The following CRTC3 variants were observed in gnomAD, a reference collection of about 807,000 sequenced individuals.
CRTC3 encodes CREB-regulated transcription coactivator 3.
A neutral mutation model predicts 74.5 loss-of-function variants in CRTC3; 26 were observed. The observed-to-expected ratio is 0.35, with a 90% CI of 0.26 to 0.48. The LOEUF (loss-of-function observed/expected upper bound fraction) is 0.48. CRTC3 is among the 20% of genes least tolerant of loss of function. The probability of loss-of-function intolerance (pLI) is 0.99; values close to 1 mark genes in which losing one functional copy is unlikely to be tolerated. For missense variants in CRTC3, 760 were observed against 787.3 expected (o/e 0.97, Z 0.41); for synonymous variants, 377 against 325.8 (o/e 1.16, Z -1.69).
chr15:90,599,479 T>C (rs1370159766), intron 3 of CRTC3: 2 of 152,250 alleles, frequency 1.3e-5, no homozygotes, highest in African/African-American at 4.8e-5. Flanking sequence ...GCCACCTGAA[T>C]GAAGTTTTCT....
chr15:90,592,178 G>C (rs1055131774), intron 2 of CRTC3, among the ~76,000 whole-genome samples: 7 of 152,162 alleles, frequency 4.6e-5, no homozygotes, highest in Admixed American at 1.3e-4. Context: ...TAAAAACATT[G>C]CGTCACAGGA....
intron 2 of CRTC3, among the ~76,000 whole-genome samples, chr15:90,567,526 A>C (rs1967151903): frequency 6.6e-6 from 1 of 151,976 alleles, no homozygotes; most frequent in Non-Finnish European, 1.5e-5. Flanking sequence ...GTCTCCACTA[A>C]AAATAGAAAA....
At chr15:90,569,191 A>G (rs1967197844) in intron 2 of CRTC3, among the ~76,000 whole-genome samples, 1 of 151,782 alleles carries the variant, frequency 6.6e-6, no homozygotes, top group South Asian at 2.1e-4. Flanking sequence ...TTTTGTAGAG[A>G]TAGAGTTTTT....
intron 6 of CRTC3, among the ~76,000 whole-genome samples, chr15:90,610,721 G>A (rs1968336301): frequency 6.6e-6 from 1 of 152,168 alleles, no homozygotes; most frequent in African/African-American, 2.4e-5. Flanking sequence ...CATGCAGATA[G>A]GGAAGCACAG....
At chr15:90,625,652 G>A (rs939964192) in intron 9 of CRTC3, 124 bp from the exon 10 acceptor site, 16 of 830,086 alleles carry the variant, frequency 1.9e-5, no homozygotes, top group South Asian at 4.6e-5. Context: ...CAGAGAGGCC[G>A]CACCAGGACC....
chr15:90,601,888 C>G (rs980050553), intron 3 of CRTC3, among the ~76,000 whole-genome samples: 4 of 151,972 alleles, frequency 2.6e-5, no homozygotes, highest in African/African-American at 9.7e-5. Flanking sequence ...TGGGGCACTC[C>G]TTTTTTTTCC....
chr15:90,565,937 CT>C (rs1215792425), intron 2 of CRTC3, among the ~76,000 whole-genome samples: 2 of 152,150 alleles, frequency 1.3e-5, no homozygotes, highest in Non-Finnish European at 2.9e-5. Context: ...ATGTCTTTCA[CT>C]TTAAATAAAA....
intron 2 of CRTC3, among the ~76,000 whole-genome samples, chr15:90,585,221 T>G (rs111289797): frequency 0.098 from 14,952 of 152,222 alleles, 829 homozygotes; most frequent in Middle Eastern, 0.15. Context: ...CATAGCTCAC[T>G]GCAGCCTCCA....
At chr15:90,640,591 C>T (rs750632968) in intron 13 of CRTC3, among the ~76,000 whole-genome samples, 13 of 151,830 alleles carry the variant, frequency 8.6e-5, no homozygotes, top group South Asian at 2.1e-4. Context: ...CTAAGGTGGA[C>T]GGATTGCTTG....
intron 11 of CRTC3, chr15:90,635,109 ATAAT>A: frequency 1.5e-6 from 1 of 665,932 alleles, no homozygotes; most frequent in Non-Finnish European, 2.7e-6. Context: ...CATCATGTAA[ATAAT>A]TTCCATATTT....
intron 5 of CRTC3, among the ~76,000 whole-genome samples, chr15:90,605,570 C>T (rs1228502480): frequency 2.0e-5 from 3 of 151,372 alleles, no homozygotes; most frequent in African/African-American, 7.3e-5. Context: ...CCAGTTGGCT[C>T]TGCATTCGTT....
chr15:90,617,851 C>A (rs1227261438), intron 7 of CRTC3, 32 bp from the exon 8 acceptor site: 8 of 1,471,506 alleles, frequency 5.4e-6, no homozygotes, highest in Non-Finnish European at 2.9e-6. Flanking sequence ...CCTTCTCATG[C>A]AATGACTGTG....
chr15:90,531,997 A>G (rs534838644), intron 1 of CRTC3, among the ~76,000 whole-genome samples: 3 of 152,326 alleles, frequency 2.0e-5, no homozygotes, highest in Admixed American at 2.0e-4. Flanking sequence ...AGACCCTGCT[A>G]TAGCTCAGGG....
intron 2 of CRTC3, among the ~76,000 whole-genome samples, chr15:90,545,789 AG>A: frequency 6.6e-6 from 1 of 152,150 alleles, no homozygotes; most frequent in South Asian, 2.1e-4. Flanking sequence ...TGTGTTAGCC[AG>A]GATGGTCTCC....
intron 3 of CRTC3, 22 bp from the exon 4 acceptor site, chr15:90,602,302 T>G: frequency 7.1e-7 from 1 of 1,414,288 alleles, no homozygotes; most frequent in Non-Finnish European, 1.0e-6. Flanking sequence ...AATTTTTATT[T>G]TTCCTTTATT....
intron 2 of CRTC3, among the ~76,000 whole-genome samples, chr15:90,550,578 A>G (rs1489520300): frequency 6.6e-6 from 1 of 151,636 alleles, no homozygotes; most frequent in Non-Finnish European, 1.5e-5. Flanking sequence ...TGCTGTTGCT[A>G]TTGTCCCCTT....
chr15:90,605,071 G>T (rs1016104995), intron 5 of CRTC3, among the ~76,000 whole-genome samples: 3 of 151,928 alleles, frequency 2.0e-5, no homozygotes, highest in African/African-American at 7.3e-5. Flanking sequence ...GGCCAGCCTG[G>T]GCAAGATGGT....
At chr15:90,591,862 T>C (rs973445645) in intron 2 of CRTC3, among the ~76,000 whole-genome samples, 1 of 152,252 alleles carries the variant, frequency 6.6e-6, no homozygotes, top group African/African-American at 2.4e-5. Context: ...GTTTGTCCCA[T>C]TATTTTTCAG....
chr15:90,638,908 A>C (rs1260039072), intron 13 of CRTC3, 93 bp downstream of exon 13: 2 of 1,036,040 alleles, frequency 1.9e-6, no homozygotes, highest in Non-Finnish European at 3.0e-6. Context: ...AGCAGACCAG[A>C]CATGCCACTT....
Sources: gnomAD v4.1 joint callset for allele counts (sites outside exome capture counted in the v4.1 genomes callset) on GRCh38, gnomAD v4.1.1 for gene constraint, MANE v1.5 for transcripts, NCBI Gene and HGNC (gene_info 2026-07-23, HGNC 2026-07-21) for gene names.